The following RAB27A variants were observed in gnomAD, a reference collection of about 807,000 sequenced individuals.
RAB27A encodes ras-related protein Rab-27A.
Under a neutral mutation model 20.8 loss-of-function variants are expected in RAB27A, and 17 were observed. The observed-to-expected ratio is 0.82, with a 90% confidence interval of 0.56 to 1.23. The LOEUF is 1.23. Among genes scored for constraint, RAB27A ranks in the 50% most tolerant of loss-of-function variants. The pLI, the probability that RAB27A is intolerant of heterozygous loss-of-function variation, is 0.00. For missense variants in RAB27A, 277 were observed against 266.7 expected, an observed-to-expected ratio of 1.04 and a Z score of -0.27; for synonymous variants, 85 against 92.8, an observed-to-expected ratio of 0.92 and a Z score of 0.48.
rs1349113560 is a variant in RAB27A at position 55,270,117 on chromosome 15, A to G, written c.-23+48T>C. 2.0e-5 allele frequency: 3 copies of G among 151,912 alleles called. 1 individual carries two copies. The highest frequency in any genetic ancestry group is 7.3e-5 in the African/African-American group (3 of 41,364). 9.4% of individuals were successfully genotyped at this position (151,912 alleles called of 1,614,324 possible). The stretch of plus-strand genomic sequence containing the variant: ...AAGCGCATGAAAATTGACATGACAG[A>G]GCTCAAAACCACTACCAAAAAAAAA... On this transcript the variant is annotated intron_variant, in intron 2 of 6. Coordinates refer to ENST00000336787, the MANE Select transcript of RAB27A (RefSeq NM_183235.3).
chr15:55,282,532 G>C (rs1898042445), intron 1 of RAB27A, among the ~76,000 whole-genome samples: 1 of 152,174 alleles, frequency 6.6e-6, no homozygotes, highest in African/African-American at 2.4e-5. Context: ...GCTAGAATCA[G>C]GGTGTTAATA....
intron 1 of RAB27A, chr15:55,317,537 A>G: frequency 2.8e-6 from 1 of 358,444 alleles, no homozygotes; most frequent in Non-Finnish European, 5.0e-6. Flanking sequence ...CTGGTCTTGA[A>G]CTCCTGACCA....
chr15:55,268,511 T>C (rs1054964254), intron 2 of RAB27A, among the ~76,000 whole-genome samples: 8 of 152,186 alleles, frequency 5.3e-5, no homozygotes, highest in Non-Finnish European at 1.2e-4. Context: ...GTGTCTCTTG[T>C]GGTTAGGCTG....
At chr15:55,216,440 G>A (rs987332494) in intron 6 of RAB27A, among the ~76,000 whole-genome samples, 3 of 152,046 alleles carry the variant, frequency 2.0e-5, no homozygotes, top group Non-Finnish European at 4.4e-5. Flanking sequence ...GGCTGAGACG[G>A]GAGATCTCTT....
rs1171254261 is a variant in RAB27A at position 55,224,025 on chromosome 15, G to C, written c.344-13C>G. On this transcript the variant is annotated splice_polypyrimidine_tract_variant and intron_variant, in intron 5 of 6. Transcript: ENST00000336787. Reference sequence around the variant, plus strand: ...ATCTGTAGCTGGCCTATTAATATAAGAAAGTTTATTATATATGTAAATAAT... The same window carrying C: ...ATCTGTAGCTGGCCTATTAATATAACAAAGTTTATTATATATGTAAATAAT... 1.8e-5 allele frequency: 27 copies of C among 1,541,610 alleles called. No individual in the cohort carries two copies. The highest frequency in any genetic ancestry group is 2.3e-5 in the Non-Finnish European group (26 of 1,115,602).
intron 2 of RAB27A, among the ~76,000 whole-genome samples, chr15:55,309,266 A>G (rs959096319): frequency 6.6e-6 from 1 of 152,226 alleles, no homozygotes; most frequent in African/African-American, 2.4e-5. Flanking sequence ...AGGATAAGCC[A>G]GTATAGGCTG....
intron 2 of RAB27A, among the ~76,000 whole-genome samples, chr15:55,239,934 G>C (rs2141004232): frequency 6.6e-6 from 1 of 152,128 alleles, no homozygotes; most frequent in East Asian, 1.9e-4. Flanking sequence ...GGAGTTAGTG[G>C]AATTACCCCA....
At chr15:55,222,396 T>C (rs956256077) in intron 6 of RAB27A, among the ~76,000 whole-genome samples, 1 of 152,188 alleles carries the variant, frequency 6.6e-6, no homozygotes, top group African/African-American at 2.4e-5. Flanking sequence ...TTCACAAAGC[T>C]AGCCTCTGCC....
chr15:55,230,455 G>C lies in RAB27A; in HGVS notation c.185C>G (p.Thr62Ser), dbSNP rs1050930. 9 of 1,613,840 alleles carry C rather than the reference G, an allele frequency of 5.6e-6. No homozygotes were observed. Among genetic ancestry groups the C allele is most frequent in the South Asian group, 1.1e-5 (1 of 91,090 alleles). The change falls in exon 4 of 7, where the codon ACT (threonine) becomes AGT (serine). Residue 62 changes from threonine to serine, a missense_variant. Thr to Ser is a moderately conservative substitution (Grantham distance 58, BLOSUM62 1). Transcript: ENST00000336787. ...CAGGTGGATTCTCTGGCCTCTGCCA[G>C]TGGCTCCATCCGGCCCACTGGCTCT... Reference protein sequence around the residue: ...VYRASGPDGATGRGQRIHLQL... With the variant: ...VYRASGPDGASGRGQRIHLQL...
intron 2 of RAB27A, among the ~76,000 whole-genome samples, chr15:55,266,165 A>C (rs999173873): frequency 6.6e-6 from 1 of 152,220 alleles, no homozygotes; most frequent in Non-Finnish European, 1.5e-5. Context: ...TCCTTCATGA[A>C]GGGGATTAGT....
chr15:55,261,644 G>C (rs112121695), intron 2 of RAB27A, among the ~76,000 whole-genome samples: 12,739 of 143,228 alleles, frequency 0.089, 2,002 homozygotes, highest in African/African-American at 0.32. Context: ...GGGAGGCTAA[G>C]GTAGAAGAAT....
intron 2 of RAB27A, among the ~76,000 whole-genome samples, chr15:55,236,184 A>T (rs572831496): frequency 6.6e-6 from 1 of 152,166 alleles, no homozygotes; most frequent in Non-Finnish European, 1.5e-5. Context: ...AGAAAGAAAG[A>T]AAGTCTCCTA....
At chr15:55,295,785 G>A (rs2141140428) in intron 2 of RAB27A, among the ~76,000 whole-genome samples, 1 of 152,090 alleles carries the variant, frequency 6.6e-6, no homozygotes, top group Middle Eastern at 3.4e-3. Context: ...AGTGGTATTT[G>A]CACAACATTG....
intron 3 of RAB27A, among the ~76,000 whole-genome samples, chr15:55,231,546 G>T (rs2140981478): frequency 6.6e-6 from 1 of 152,214 alleles, no homozygotes; most frequent in South Asian, 2.1e-4. Context: ...AAAACAGTAA[G>T]CTTTGAGGTG....
chr15:55,289,318 C>G (rs545789872), intron 1 of RAB27A: 149 of 152,426 alleles, frequency 9.8e-4, no homozygotes, highest in African/African-American at 3.4e-3. Flanking sequence ...CCTCACCAAC[C>G]GGAGGGCAAC....
rs570244649 is a variant in RAB27A at position 55,205,951 on chromosome 15, C to T, written c.468-246G>A. ...CAATTTTTGGCTGGGCGCAGTGGCTCACACCTCCCAGCACTCTGGGAGGCT... is the reference window on the plus strand; with the variant it reads ...CAATTTTTGGCTGGGCGCAGTGGCTTACACCTCCCAGCACTCTGGGAGGCT... On this transcript the variant is annotated intron_variant, in intron 6 of 6. Coordinates refer to ENST00000336787, the MANE Select transcript of RAB27A (RefSeq NM_183235.3). Among the ~76,000 whole-genome samples, 9 of 152,184 alleles carry T rather than the reference C, an allele frequency of 5.9e-5. No homozygotes were observed. In the South Asian group the frequency reaches 8.3e-4, roughly 14 times the overall value.
intron 2 of RAB27A, among the ~76,000 whole-genome samples, chr15:55,240,584 A>G (rs8030426): frequency 0.01 from 1,590 of 152,244 alleles, 36 homozygotes; most frequent in African/African-American, 0.037. Flanking sequence ...TAGCATGGGC[A>G]CAATTCCAAT....
chr15:55,219,602 C>A (rs1239571371), intron 6 of RAB27A, among the ~76,000 whole-genome samples: 1 of 152,220 alleles, frequency 6.6e-6, no homozygotes, highest in Non-Finnish European at 1.5e-5. Context: ...CTGATGCACA[C>A]TGAAGCTTGA....
intron 5 of RAB27A, among the ~76,000 whole-genome samples, chr15:55,227,466 G>A (rs978481182): frequency 6.6e-6 from 1 of 152,118 alleles, no homozygotes; most frequent in Non-Finnish European, 1.5e-5. Context: ...GGCATCTAGC[G>A]AAGTGAAGCC....
Sources: gnomAD v4.1 joint callset for allele counts (sites outside exome capture counted in the v4.1 genomes callset) on GRCh38, gnomAD v4.1.1 for gene constraint, MANE v1.5 for transcripts, NCBI Gene and HGNC (gene_info 2026-07-23, HGNC 2026-07-21) for gene names.